FAM184B: variants seen among roughly 807,000 people sequenced by gnomAD.
FAM184B encodes protein FAM184B.
FAM184B carries 111 observed loss-of-function variants against 135.9 expected under a neutral mutation model. That is an observed-to-expected ratio of 0.82 (90% CI 0.70 to 0.96). The LOEUF is 0.96. Ranked by LOEUF, FAM184B falls within the 40% of genes least tolerant of loss-of-function variation. FAM184B has a pLI of 0.00. For synonymous variants in FAM184B, 552 were observed against 524.8 expected (o/e 1.05, Z -0.71); for missense variants, 1,375 against 1,323.9 (o/e 1.04, Z -0.60).
intron 1 of FAM184B, among the ~76,000 whole-genome samples, chr4:17,747,961 C>T (rs1718209600): frequency 7.7e-6 from 1 of 130,310 alleles, no homozygotes; most frequent in Non-Finnish European, 1.6e-5. Context: ...CAAAAATTAG[C>T]CAGGCATGGT....
Position 17,698,059 on chromosome 4 carries a change from C to T in FAM184B, c.1378-4647G>A, listed in dbSNP as rs1027533861. ...CTTGAAGATTTCAACAGGAAAATTC[C>T]CTTAACTCAGGTAAAGAGAAAAAAA... On this transcript the variant is annotated intron_variant, in intron 5 of 17. Transcript: ENST00000265018. Among the ~76,000 whole-genome samples, 28 of 151,670 alleles carry T rather than the reference C, an allele frequency of 1.8e-4. 1 individual carries two copies. Among genetic ancestry groups the T allele is most frequent in the African/African-American group, 6.3e-4 (26 of 41,320 alleles).
intron 1 of FAM184B, among the ~76,000 whole-genome samples, chr4:17,750,682 G>C (rs930441982): frequency 6.6e-6 from 1 of 152,120 alleles, no homozygotes. Flanking sequence ...AAGAATTACC[G>C]TTCTAATGAA....
intron 13 of FAM184B, among the ~76,000 whole-genome samples, chr4:17,641,461 C>CTTTTTTTTTTTTTTTTTTTTTTTTTTTT (rs71167316): frequency 2.2e-5 from 1 of 45,646 alleles, no homozygotes; most frequent in African/African-American, 8.5e-5. Flanking sequence ...AGGACTCCCT[C>CTTTTTTTTTTTTTTTTTTTTTTTTTTTT]TTTTTTTTTT....
intron 11 of FAM184B, among the ~76,000 whole-genome samples, chr4:17,648,106 A>G (rs1715516263): frequency 6.6e-6 from 1 of 152,066 alleles, no homozygotes; most frequent in African/African-American, 2.4e-5. Context: ...TAAATGGTGG[A>G]GTTGAGATGC....
intron 6 of FAM184B, 29 bp downstream of exon 6, chr4:17,693,268 AGCACC>A: frequency 6.7e-7 from 1 of 1,497,420 alleles, no homozygotes; most frequent in Non-Finnish European, 9.1e-7. Context: ...GACCAGAAAC[AGCACC>A]CCAAGGCTTG....
At chr4:17,687,129 G>A (rs1316521190) in intron 7 of FAM184B, among the ~76,000 whole-genome samples, 4 of 152,292 alleles carry the variant, frequency 2.6e-5, no homozygotes, top group Middle Eastern at 3.4e-3. Flanking sequence ...TGGCAGGACC[G>A]GGGCCTGAGC....
intron 1 of FAM184B, among the ~76,000 whole-genome samples, chr4:17,750,003 T>C (rs1440835775): frequency 1.3e-5 from 2 of 152,220 alleles, no homozygotes; most frequent in African/African-American, 2.4e-5. Flanking sequence ...TTTACACCTA[T>C]GTTGAAGTTT....
intron 15 of FAM184B, 54 bp from the exon 16 acceptor site, chr4:17,635,167 T>C: frequency 7.1e-7 from 1 of 1,407,694 alleles, no homozygotes; most frequent in Non-Finnish European, 9.8e-7. Flanking sequence ...AGCACTGGGT[T>C]TGACTTGAAG....
intron 1 of FAM184B, among the ~76,000 whole-genome samples, chr4:17,747,920 C>CAA (rs71167333): frequency 0.59 from 12,853 of 21,686 alleles, 5,195 homozygotes; most frequent in Non-Finnish European, 0.77. Context: ...GACTCTGTCT[C>CAA]AAAAAAAAAA....
intron 1 of FAM184B, among the ~76,000 whole-genome samples, chr4:17,772,300 T>C (rs1360102154): frequency 1.3e-5 from 2 of 152,110 alleles, no homozygotes; most frequent in African/African-American, 2.4e-5. Context: ...CCCAATCCTA[T>C]ACCCATCACC....
chr4:17,758,261 C>T (rs1185911711), intron 1 of FAM184B, among the ~76,000 whole-genome samples: 3 of 152,214 alleles, frequency 2.0e-5, no homozygotes, highest in Non-Finnish European at 4.4e-5. Flanking sequence ...CAGCAAGCCT[C>T]CTTAAAGAGA....
At chr4:17,753,531 C>T (rs776904121) in intron 1 of FAM184B, among the ~76,000 whole-genome samples, 1 of 152,134 alleles carries the variant, frequency 6.6e-6, no homozygotes, top group Non-Finnish European at 1.5e-5. Flanking sequence ...ATCAAGTAAT[C>T]TAGGGAAAAC....
intron 7 of FAM184B, among the ~76,000 whole-genome samples, chr4:17,678,732 G>A (rs914718380): frequency 2.6e-5 from 4 of 152,132 alleles, no homozygotes; most frequent in Admixed American, 2.0e-4. Flanking sequence ...GCAAGGCTAA[G>A]CAAAAAGAAC....
chr4:17,632,641 GGT>G lies in FAM184B; in HGVS notation c.3090-18_3090-17del. 1 of 1,012,380 alleles carries G rather than the reference GGT, an allele frequency of 9.9e-7. No individual in the cohort carries two copies. Among genetic ancestry groups the G allele is most frequent in the Non-Finnish European group, 1.5e-6 (1 of 686,794 alleles). The allele number at this position is 1,012,380 out of a possible 1,614,324, so 62.7% of individuals were successfully genotyped here. Reference sequence around the variant, plus strand: ...ATCTGGGGTCCTAAAAGCAAAAAAAGGTTTTTTTATATGGTTTTGAAAACTAT... The same window carrying G: ...ATCTGGGGTCCTAAAAGCAAAAAAAGTTTTTTATATGGTTTTGAAAACTAT... On this transcript the variant is annotated splice_polypyrimidine_tract_variant and intron_variant, in intron 17 of 17. Transcript: ENST00000265018.
chr4:17,752,385 A>G (rs1221174542), intron 1 of FAM184B, among the ~76,000 whole-genome samples: 1 of 152,040 alleles, frequency 6.6e-6, no homozygotes, highest in Non-Finnish European at 1.5e-5. Context: ...TGGGAGGAGC[A>G]GGCAATGAAA....
intron 1 of FAM184B, among the ~76,000 whole-genome samples, chr4:17,754,869 T>A (rs185884544): frequency 1.6e-3 from 251 of 152,140 alleles, no homozygotes; most frequent in Admixed American, 3.5e-3. Flanking sequence ...AAAATAAAAT[T>A]AAATTAAAAC....
intron 7 of FAM184B, among the ~76,000 whole-genome samples, chr4:17,681,675 A>G (rs1279291220): frequency 4.6e-5 from 7 of 152,138 alleles, no homozygotes; most frequent in African/African-American, 1.7e-4. Context: ...CAAACCACTC[A>G]GGGCCTCCAA....
At chr4:17,642,494 A>G (rs575200752) in intron 12 of FAM184B, among the ~76,000 whole-genome samples, 11 of 152,130 alleles carry the variant, frequency 7.2e-5, no homozygotes, top group South Asian at 2.1e-4. Flanking sequence ...AACACCAACC[A>G]CACTCCACAC....
intron 14 of FAM184B, among the ~76,000 whole-genome samples, chr4:17,639,009 T>A (rs897955608): frequency 5.3e-5 from 8 of 152,032 alleles, no homozygotes; most frequent in African/African-American, 1.9e-4. Flanking sequence ...TAATTTTGTA[T>A]TTTCAGTAGA....
Sources: allele counts gnomAD v4.1 joint callset (sites outside exome capture counted in the v4.1 genomes callset), GRCh38; gene constraint gnomAD v4.1.1; transcripts MANE v1.5; gene names NCBI Gene and HGNC (gene_info 2026-07-23, HGNC 2026-07-21).